The following FNDC3B variants were observed in gnomAD, a reference collection of about 807,000 sequenced individuals.
FNDC3B encodes the protein fibronectin type III domain containing 3B, also known as fibronectin type III domain-containing protein 3B.
FNDC3B carries 12 observed loss-of-function variants against 151.5 expected under a neutral mutation model. That is an observed-to-expected ratio of 0.08 (90% CI 0.05 to 0.13). The LOEUF is 0.13. Among genes scored for constraint, FNDC3B ranks in the 10% least tolerant of loss-of-function variants. The pLI is 1.00. For synonymous variants in FNDC3B, 528 were observed against 549.0 expected, an observed-to-expected ratio of 0.96 and a Z score of 0.54; for missense variants, 1,214 against 1,505.3, an observed-to-expected ratio of 0.81 and a Z score of 3.20.
At chr3:172,137,531 C>G (rs1050828371) in intron 3 of FNDC3B, among the ~76,000 whole-genome samples, 1 of 152,082 alleles carries the variant, frequency 6.6e-6, no homozygotes, top group African/African-American at 2.4e-5. Flanking sequence ...TGGTGCATGC[C>G]TGTAGTCCCA....
chr3:172,388,078 G>A (rs1735811437), intron 25 of FNDC3B, among the ~76,000 whole-genome samples: 1 of 152,160 alleles, frequency 6.6e-6, no homozygotes, highest in Non-Finnish European at 1.5e-5. Context: ...TGGTTACTGT[G>A]AGCATTAGAT....
Position 172,399,711 on chromosome 3 carries a change from GGA to G in FNDC3B, c.*2240_*2241del, listed in dbSNP as rs1483220793. 1 of 152,614 alleles carries G rather than the reference GGA, an allele frequency of 6.6e-6. No homozygotes were observed. Among genetic ancestry groups the G allele is most frequent in the Non-Finnish European group, 1.5e-5 (1 of 68,038 alleles). The allele number at this position is 152,614 out of a possible 1,614,324, so 9.5% of individuals were successfully genotyped here. A position where few individuals can be genotyped will look rare whatever the true frequency, so the allele number is the denominator to read the frequency against. The stretch of plus-strand genomic sequence containing the variant: ...AAAAAATTCCATGCAGGTGTTTTGG[GGA>G]GAGGTATTTTTTAAGCAATGAAAAT... On this transcript the variant is annotated 3_prime_UTR_variant, in exon 26 of 26. Transcript: ENST00000415807.
chr3:172,375,341 T>C (rs1012804570), intron 23 of FNDC3B, among the ~76,000 whole-genome samples: 4 of 152,176 alleles, frequency 2.6e-5, no homozygotes, highest in Non-Finnish European at 5.9e-5. Flanking sequence ...ACAGGGTACA[T>C]CAGTGTTTCT....
intron 6 of FNDC3B, among the ~76,000 whole-genome samples, chr3:172,277,720 C>G (rs1729503390): frequency 6.6e-6 from 1 of 152,148 alleles, no homozygotes; most frequent in Admixed American, 6.5e-5. Flanking sequence ...GAGTGTCTGC[C>G]TTACACCCAT....
chr3:172,309,959 T>C (rs1034782105), intron 10 of FNDC3B, among the ~76,000 whole-genome samples: 5 of 152,194 alleles, frequency 3.3e-5, no homozygotes, highest in African/African-American at 1.2e-4. Flanking sequence ...TAAGGCACTG[T>C]GCTGTTTGTT....
chr3:172,046,869 T>C (rs563069841), intron 1 of FNDC3B: 1 of 152,340 alleles, frequency 6.6e-6, no homozygotes, highest in South Asian at 2.1e-4. Flanking sequence ...GTTAATGGAA[T>C]GTTCTACTCT....
intron 1 of FNDC3B, among the ~76,000 whole-genome samples, chr3:172,048,006 T>G (rs1716445166): frequency 6.6e-6 from 1 of 152,200 alleles, no homozygotes; most frequent in Admixed American, 6.5e-5. Flanking sequence ...GGTAATTACA[T>G]GTCCTTCTCC....
chr3:172,174,255 T>G (rs765528203), intron 3 of FNDC3B, among the ~76,000 whole-genome samples: 31 of 152,212 alleles, frequency 2.0e-4, no homozygotes, highest in Non-Finnish European at 4.0e-4. Flanking sequence ...TCTAAATGAT[T>G]AAGTTTCCAA....
Position 172,239,856 on chromosome 3 carries a change from C to CTTTTTTTTTTT in FNDC3B, c.265-7657_265-7647dup, listed in dbSNP as rs71179981. 1.7e-3 allele frequency among the ~76,000 whole-genome samples: 87 copies of CTTTTTTTTTTT among 49,926 alleles called. 9 individuals carry two copies. The highest frequency in any genetic ancestry group is 2.3e-3 in the African/African-American group (30 of 13,324). The allele number at this position is 49,926 out of a possible 152,430, so 32.8% of individuals were successfully genotyped here. A position where few individuals can be genotyped will look rare whatever the true frequency, so the allele number is the denominator to read the frequency against. ...TGTTTTTAGGAGATCCATTTTAGTT[C>CTTTTTTTTTTT]TTTTTTTTTTTTTTTTTTTTTTTTT... On this transcript the variant is annotated intron_variant, in intron 4 of 25. Transcript: ENST00000415807.
chr3:172,395,413 T>G (rs778675241), intron 25 of FNDC3B, among the ~76,000 whole-genome samples: 29 of 152,212 alleles, frequency 1.9e-4, no homozygotes, highest in Admixed American at 5.9e-4. Flanking sequence ...TCAACCAAAA[T>G]GTGATAATGT....
intron 5 of FNDC3B, among the ~76,000 whole-genome samples, chr3:172,248,934 G>A (rs531745428): frequency 3.0e-4 from 45 of 151,340 alleles, no homozygotes; most frequent in Middle Eastern, 3.4e-3. Flanking sequence ...TCACAATGTC[G>A]TATAAGGGGA....
At chr3:172,348,038 C>T (rs1733692392) in intron 21 of FNDC3B, among the ~76,000 whole-genome samples, 1 of 152,180 alleles carries the variant, frequency 6.6e-6, no homozygotes, top group Non-Finnish European at 1.5e-5. Context: ...TCTTTGTCCT[C>T]CTCTTTCCAT....
At chr3:172,219,625 C>T (rs1726168693) in intron 3 of FNDC3B, among the ~76,000 whole-genome samples, 1 of 152,228 alleles carries the variant, frequency 6.6e-6, no homozygotes, top group Admixed American at 6.5e-5. Context: ...AAACCTTCCA[C>T]CCACCCTCCT....
intron 23 of FNDC3B, among the ~76,000 whole-genome samples, chr3:172,375,543 A>G (rs968702897): frequency 1.2e-4 from 19 of 152,162 alleles, no homozygotes; most frequent in African/African-American, 4.3e-4. Context: ...ATTACTTACC[A>G]TCTATTTTGG....
At chr3:172,265,108 A>T (rs1395311491) in intron 6 of FNDC3B, among the ~76,000 whole-genome samples, 1 of 152,210 alleles carries the variant, frequency 6.6e-6, no homozygotes, top group Non-Finnish European at 1.5e-5. Context: ...TCTAGGGTTC[A>T]TTTGTAATAT....
Position 172,357,700 on chromosome 3 carries a change from C to T in FNDC3B, c.2795+4617C>T, listed in dbSNP as rs149061858. ...CCTTAATATTTTCCCCAGAATGCAA[C>T]AAGACATCATTTCATTCCATTTTAT... On this transcript the variant is annotated intron_variant, in intron 22 of 25. Transcript: ENST00000415807. Among the ~76,000 whole-genome samples the T allele has an allele frequency of 1.6e-4, 25 of 152,234 alleles. No homozygotes were observed. The East Asian group carries it at 4.8e-3, about 29-fold the overall frequency.
intron 11 of FNDC3B, among the ~76,000 whole-genome samples, chr3:172,312,063 T>C (rs1354756462): frequency 1.3e-5 from 2 of 152,056 alleles, no homozygotes; most frequent in Non-Finnish European, 2.9e-5. Context: ...TTTGGAGAGA[T>C]TGAAAGATTT....
intron 22 of FNDC3B, among the ~76,000 whole-genome samples, chr3:172,360,202 A>G (rs906150761): frequency 3.3e-5 from 5 of 152,148 alleles, no homozygotes; most frequent in African/African-American, 1.2e-4. Context: ...CATTTTTCTA[A>G]TGGCTAATGA....
chr3:172,252,627 C>T (rs1232943606), intron 6 of FNDC3B, among the ~76,000 whole-genome samples: 1 of 151,848 alleles, frequency 6.6e-6, no homozygotes, highest in Non-Finnish European at 1.5e-5. Context: ...GAGCTTCTGA[C>T]AAGAGAGAGG....
Sources: gnomAD v4.1 joint callset for allele counts (sites outside exome capture counted in the v4.1 genomes callset) on GRCh38, gnomAD v4.1.1 for gene constraint, MANE v1.5 for transcripts, NCBI Gene and HGNC (gene_info 2026-07-23, HGNC 2026-07-21) for gene names.